The following ZFHX4 variants were observed in gnomAD, a reference collection of about 807,000 sequenced individuals.
ZFHX4 encodes the protein zinc finger homeobox protein 4.
ZFHX4 carries 56 observed loss-of-function variants against 267.6 expected under a neutral mutation model. The ratio of observed to expected loss-of-function variants is 0.21; its 90% CI spans 0.17 to 0.26. The LOEUF (loss-of-function observed/expected upper bound fraction) is 0.26. ZFHX4 is among the 10% of genes least tolerant of loss of function. ZFHX4 has a pLI of 1.00. For missense variants in ZFHX4, 4,332 were observed against 4,420.0 expected (o/e 0.98, Z 0.56); for synonymous variants, 1,778 against 1,665.6 (o/e 1.07, Z -1.64).
intron 10 of ZFHX4, among the ~76,000 whole-genome samples, chr8:76,860,071 G>C (rs760166526): frequency 4.6e-5 from 7 of 151,912 alleles, no homozygotes; most frequent in African/African-American, 1.7e-4. Flanking sequence ...AATTTGACAC[G>C]CATTTAATTG....
At chr8:76,737,502 A>G (rs1809195753) in intron 3 of ZFHX4, among the ~76,000 whole-genome samples, 1 of 152,192 alleles carries the variant, frequency 6.6e-6, no homozygotes, top group South Asian at 2.1e-4. Context: ...TATAGTAATT[A>G]AGGGCTTTGG....
rs959241053 is a variant in ZFHX4 at position 76,854,028 on chromosome 8, A to G, written c.7107A>G (p.Gln2369=). The G allele has an allele frequency of 1.9e-6, 3 of 1,613,820 alleles. No individual in the cohort carries two copies. Among genetic ancestry groups the G allele is most frequent in the African/African-American group, 2.7e-5 (2 of 74,892 alleles). Reference sequence around the variant, plus strand: ...ACAAGCATTGCACAGTGTCTGGCCAAACGGATGCAGCTAAAAACGCTGCTG... The same window carrying G: ...ACAAGCATTGCACAGTGTCTGGCCAGACGGATGCAGCTAAAAACGCTGCTG... ...VVYKHCTVSG[Q]TDAAKNAAAP... The change falls in exon 10 of 11, where the codon CAA becomes CAG. Residue 2369 remains glutamine (Q), a synonymous_variant. Transcript: ENST00000651372.
intron 4 of ZFHX4, among the ~76,000 whole-genome samples, chr8:76,794,112 T>C (rs1223349320): frequency 3.3e-5 from 5 of 152,174 alleles, no homozygotes; most frequent in East Asian, 1.9e-4. Context: ...AGCAGAACTT[T>C]ACAAAGCTTT....
intron 3 of ZFHX4, among the ~76,000 whole-genome samples, chr8:76,718,193 C>A (rs1009755883): frequency 6.6e-6 from 1 of 151,986 alleles, no homozygotes; most frequent in African/African-American, 2.4e-5. Flanking sequence ...ATTTTTAAAC[C>A]AAATAGTGTT....
intron 1 of ZFHX4, among the ~76,000 whole-genome samples, chr8:76,697,421 A>C (rs1807987783): frequency 1.3e-5 from 2 of 152,052 alleles, no homozygotes; most frequent in South Asian, 4.1e-4. Flanking sequence ...TTATGTGATA[A>C]CTTAAAAGGT....
intron 3 of ZFHX4, among the ~76,000 whole-genome samples, chr8:76,733,979 A>G (rs1809090923): frequency 6.6e-6 from 1 of 152,124 alleles, no homozygotes; most frequent in African/African-American, 2.4e-5. Context: ...TAGAGACAAA[A>G]CACATTTACT....
chr8:76,849,580 A>G lies in ZFHX4; in HGVS notation c.3714A>G (p.Ser1238=). 6.2e-7 allele frequency: 1 copy of G among 1,613,992 alleles called. No individual in the cohort carries two copies. Among genetic ancestry groups the G allele is most frequent in the Non-Finnish European group, 8.5e-7 (1 of 1,179,870 alleles). The change falls in exon 8 of 11, where the codon TCA becomes TCG. Residue 1238 remains serine (S), a synonymous_variant. Transcript: ENST00000651372. ...DQSRIQMHVL[S]QHSVQPVICC... ...GTCGTATCCAGATGCACGTCCTATCACAGCACTCGGTGCAGCCGGTCATCT... is the reference window on the plus strand; with the variant it reads ...GTCGTATCCAGATGCACGTCCTATCGCAGCACTCGGTGCAGCCGGTCATCT...
intron 1 of ZFHX4, among the ~76,000 whole-genome samples, chr8:76,685,305 T>A (rs1318419339): frequency 6.6e-6 from 1 of 152,150 alleles, no homozygotes; most frequent in Non-Finnish European, 1.5e-5. Context: ...GGATTAAATT[T>A]CCCTCCTTCA....
At chr8:76,768,877 C>G (rs1358559776) in intron 3 of ZFHX4, among the ~76,000 whole-genome samples, 1 of 151,908 alleles carries the variant, frequency 6.6e-6, no homozygotes, top group Non-Finnish European at 1.5e-5. Context: ...CAAGTGAAAC[C>G]CCTATTTTAT....
chr8:76,829,974 A>G (rs1184410381), intron 4 of ZFHX4, among the ~76,000 whole-genome samples: 1 of 152,140 alleles, frequency 6.6e-6, no homozygotes, highest in Non-Finnish European at 1.5e-5. Flanking sequence ...AAAAAAAGGA[A>G]AGCTACTTTC....
At chr8:76,697,943 A>C (rs755907417) in intron 1 of ZFHX4, among the ~76,000 whole-genome samples, 1 of 151,970 alleles carries the variant, frequency 6.6e-6, no homozygotes, top group Admixed American at 6.6e-5. Context: ...CTCAATAAAG[A>C]CAGGAAAAAA....
chr8:76,725,052 T>A (rs1808817403), intron 3 of ZFHX4, among the ~76,000 whole-genome samples: 1 of 151,810 alleles, frequency 6.6e-6, no homozygotes, highest in South Asian at 2.1e-4. Context: ...TATATATGTA[T>A]GTATAGCTCT....
At chr8:76,771,962 G>T (rs1270091214) in intron 3 of ZFHX4, among the ~76,000 whole-genome samples, 1 of 152,120 alleles carries the variant, frequency 6.6e-6, no homozygotes, top group Non-Finnish European at 1.5e-5. Context: ...TGAAAGACCT[G>T]AGGAAGGAAT....
In ZFHX4 at chr8:76,851,320, G is replaced by A. The variant is rs1006686186; in HGVS notation, c.4399G>A (p.Gly1467Arg). ...QQLYASLPVN[G>R]ELWAESETMS... ...GCTATATGCCTCCTTGCCCGTGAAT[G>A]GAGAACTGTGGGCAGAGAGCGAAAC... Residue 1467 changes from glycine (G) to arginine (R), a missense_variant, in exon 10 of 11, where the codon GGA becomes AGA. By Grantham distance (125) the Gly-to-Arg change is moderately radical. Transcript: ENST00000651372. The A allele has an allele frequency of 6.8e-6, 11 of 1,613,652 alleles. No homozygotes were observed. Among genetic ancestry groups the A allele is most frequent in the African/African-American group, 5.3e-5 (4 of 74,912 alleles).
At chr8:76,730,493 G>A (rs1808975123) in intron 3 of ZFHX4, among the ~76,000 whole-genome samples, 1 of 152,054 alleles carries the variant, frequency 6.6e-6, no homozygotes, top group African/African-American at 2.4e-5. Context: ...TTGAGGTCAG[G>A]AGTTCAAGAC....
intron 4 of ZFHX4, among the ~76,000 whole-genome samples, chr8:76,813,331 A>C (rs1423052579): frequency 6.6e-6 from 1 of 152,134 alleles, no homozygotes; most frequent in Non-Finnish European, 1.5e-5. Flanking sequence ...GAATATTCAC[A>C]AGTTTATTAT....
chr8:76,844,386 C>A (rs749883727), intron 6 of ZFHX4, among the ~76,000 whole-genome samples: 2 of 152,026 alleles, frequency 1.3e-5, no homozygotes, highest in Non-Finnish European at 2.9e-5. Flanking sequence ...CATGTAATCC[C>A]GAGGTATATG....
intron 4 of ZFHX4, among the ~76,000 whole-genome samples, chr8:76,793,179 A>C (rs1394518630): frequency 1.3e-5 from 2 of 152,142 alleles, no homozygotes; most frequent in Non-Finnish European, 2.9e-5. Context: ...ATGAGAAGGA[A>C]TTACAGTTAC....
At chr8:76,748,701 G>T (rs192629178) in intron 3 of ZFHX4, among the ~76,000 whole-genome samples, 1 of 152,246 alleles carries the variant, frequency 6.6e-6, no homozygotes, top group South Asian at 2.1e-4. Context: ...CTCTCAAAGC[G>T]TGTCTTTTCT....
Sources: gnomAD v4.1 joint callset for allele counts (sites outside exome capture counted in the v4.1 genomes callset) on GRCh38, gnomAD v4.1.1 for gene constraint, MANE v1.5 for transcripts, NCBI Gene and HGNC (gene_info 2026-07-23, HGNC 2026-07-21) for gene names.